Variants in C19orf47 observed in about 807,000 individuals in gnomAD.
C19orf47 encodes chromosome 19 open reading frame 47.
In C19orf47, 18 loss-of-function variants were observed where a neutral mutation model predicts 32.3. The observed-to-expected ratio is 0.56, with a 90% CI of 0.39 to 0.83. The LOEUF (loss-of-function observed/expected upper bound fraction) is 0.83. Ranked by LOEUF, C19orf47 falls within the 40% of genes least tolerant of loss-of-function variation. C19orf47 has a pLI of 0.00. For missense variants in C19orf47, 484 were observed against 531.6 expected (o/e 0.91, Z 0.88); for synonymous variants, 202 against 211.1 (o/e 0.96, Z 0.37).
the C19orf47 span, among the ~76,000 whole-genome samples, chr19:40,299,751 C>T: frequency 6.6e-6 from 1 of 152,162 alleles, no homozygotes; most frequent in Non-Finnish European, 1.5e-5. Flanking sequence ...ATTAGCCAGG[C>T]ACGGTGGCTC....
the C19orf47 span, among the ~76,000 whole-genome samples, chr19:40,303,604 A>C: frequency 6.6e-6 from 1 of 151,618 alleles, no homozygotes; most frequent in Admixed American, 6.6e-5. Context: ...GGTCATCGAG[A>C]CCATCCTGGC....
chr19:40,329,537 A>T (rs1278092024), intron 5 of C19orf47, among the ~76,000 whole-genome samples: 1 of 152,034 alleles, frequency 6.6e-6, no homozygotes, highest in Non-Finnish European at 1.5e-5. Flanking sequence ...AGAAAACTAC[A>T]TTAAACCATC....
rs2078059531 is a variant in C19orf47 at position 40,336,087 on chromosome 19, G to A, written c.222+23C>T. On this transcript the variant is annotated intron_variant, in intron 4 of 8. Transcript: ENST00000683109. ...CACCTCCATGCCAAACCCAGAGACA[G>A]AGGGGCTGGGCACAGCACCCACCTG... 3.1e-6 allele frequency: 5 copies of A among 1,606,390 alleles called. No individual in the cohort carries two copies. The South Asian group carries it at 4.4e-5, about 14-fold the overall frequency.
the C19orf47 span, among the ~76,000 whole-genome samples, chr19:40,304,744 T>C: frequency 6.6e-6 from 1 of 152,116 alleles, no homozygotes; most frequent in Non-Finnish European, 1.5e-5. Context: ...TTAATCTGCC[T>C]TATGTCAATT....
At chr19:40,311,195 G>A in the C19orf47 span, among the ~76,000 whole-genome samples, 30 of 151,982 alleles carry the variant, frequency 2.0e-4, no homozygotes, top group African/African-American at 4.1e-4. Context: ...TGACCAACAC[G>A]GAGAAACCCC....
At chr19:40,337,884 T>C (rs1392956208) in intron 2 of C19orf47, among the ~76,000 whole-genome samples, 3 of 152,102 alleles carry the variant, frequency 2.0e-5, no homozygotes, top group Admixed American at 6.6e-5. Context: ...CATTTCCCTA[T>C]GTTGTGCAGG....
chr19:40,300,203 G>A, the C19orf47 span, among the ~76,000 whole-genome samples: 3 of 151,514 alleles, frequency 2.0e-5, no homozygotes, highest in South Asian at 2.1e-4. Flanking sequence ...GCAATGGCTC[G>A]TGCTTGTAAT....
At chr19:40,293,320 AT>A in the C19orf47 span, among the ~76,000 whole-genome samples, 122 of 150,504 alleles carry the variant, frequency 8.1e-4, 2 homozygotes, top group East Asian at 5.9e-3. Flanking sequence ...CAATTTTTAT[AT>A]TTTTAGTAGA....
At chr19:40,332,277 A>C (rs1469873838) in intron 5 of C19orf47, among the ~76,000 whole-genome samples, 1 of 152,108 alleles carries the variant, frequency 6.6e-6, no homozygotes, top group Non-Finnish European at 1.5e-5. Context: ...AGAATCACTT[A>C]ACCTGGGAGG....
At chr19:40,303,479 T>C in the C19orf47 span, among the ~76,000 whole-genome samples, 1 of 136,988 alleles carries the variant, frequency 7.3e-6, no homozygotes, top group African/African-American at 2.8e-5. Flanking sequence ...GCGGAGATCA[T>C]ACCACTGACT....
At position 40,326,428 on chromosome 19, in the gene C19orf47, G is replaced by A. The variant is rs1180457457; in HGVS notation, c.498C>T (p.Val166=). The A allele has an allele frequency of 6.2e-7, 1 of 1,614,150 alleles. No homozygotes were observed. The highest frequency in any genetic ancestry group is 1.7e-5 in the Admixed American group (1 of 60,024). ...CGTACTTCCCCTCCATCTCAGCAGT[G>A]ACCCGGCGCCGCTTGGCAGGAACAG... The part of the protein sequence containing the change: ...SLAVPAKRRR[V]TAEMEGKYVI... Residue 166 remains valine (V), a synonymous_variant, in exon 7 of 9, where the codon GTC becomes GTT. Coordinates refer to ENST00000683109, the MANE Select transcript of C19orf47 (RefSeq NM_001256441.2).
intron 1 of C19orf47, among the ~76,000 whole-genome samples, chr19:40,342,754 GAA>G (rs1372017917): frequency 6.6e-6 from 1 of 152,204 alleles, no homozygotes; most frequent in Non-Finnish European, 1.5e-5. Context: ...GTTTTACAGA[GAA>G]AAAGTGTTCC....
chr19:40,297,578 G>A, the C19orf47 span, among the ~76,000 whole-genome samples: 1 of 151,934 alleles, frequency 6.6e-6, no homozygotes, highest in Non-Finnish European at 1.5e-5. Flanking sequence ...GCGGGCATCT[G>A]TAATCCCAGC....
downstream of C19orf47, among the ~76,000 whole-genome samples, chr19:40,316,011 G>T (rs1309720485): frequency 6.7e-6 from 1 of 149,288 alleles, no homozygotes; most frequent in Non-Finnish European, 1.5e-5. Flanking sequence ...AAAAAAAAAA[G>T]AGAGAGAGAG....
chr19:40,301,363 CAG>C, the C19orf47 span, among the ~76,000 whole-genome samples: 7 of 135,340 alleles, frequency 5.2e-5, no homozygotes, highest in Non-Finnish European at 9.6e-5. Context: ...ATTCTTGAGA[CAG>C]AGTCTCGCTC....
intron 8 of C19orf47, 117 bp downstream of exon 8, chr19:40,323,889 A>G: frequency 4.8e-6 from 6 of 1,251,308 alleles, no homozygotes; most frequent in Non-Finnish European, 5.9e-6. Context: ...TGAGGCTGGA[A>G]AGGCAGGTTA....
Position 40,326,489 on chromosome 19 carries a change from G to A in C19orf47, c.440-3C>T, listed in dbSNP as rs1021597702. On this transcript the variant is annotated splice_polypyrimidine_tract_variant and splice_region_variant and intron_variant, in intron 6 of 8. Coordinates refer to ENST00000683109, the MANE Select transcript of C19orf47 (RefSeq NM_001256441.2). Reference sequence around the variant, plus strand: ...CTCCTCCCGGCGGGCCAGGGCTGCTGGGGGAAGAAAGCAGGGGTATCAGCA... The same window carrying A: ...CTCCTCCCGGCGGGCCAGGGCTGCTAGGGGAAGAAAGCAGGGGTATCAGCA... 2 of 1,611,952 alleles carry A rather than the reference G, an allele frequency of 1.2e-6. No individual in the cohort carries two copies. The highest frequency in any genetic ancestry group is 1.1e-5 in the South Asian group (1 of 91,032).
the C19orf47 span, among the ~76,000 whole-genome samples, chr19:40,296,185 A>G: frequency 5.9e-5 from 9 of 152,242 alleles, no homozygotes; most frequent in Admixed American, 1.3e-4. Flanking sequence ...AGCCTACTAT[A>G]TACCTAGGCT....
chr19:40,336,456 T>C (rs996144436), intron 2 of C19orf47, 49 bp from the exon 3 acceptor site: 8 of 1,514,278 alleles, frequency 5.3e-6, no homozygotes, highest in Middle Eastern at 3.4e-4. Flanking sequence ...CTTTAGAGAA[T>C]AGCATTAGCA....
Sources: allele counts gnomAD v4.1 joint callset (sites outside exome capture counted in the v4.1 genomes callset), GRCh38; gene constraint gnomAD v4.1.1; transcripts MANE v1.5; gene names NCBI Gene and HGNC (gene_info 2026-07-23, HGNC 2026-07-21).